Variants in OXR1 observed in about 807,000 individuals in gnomAD.
OXR1 encodes oxidation resistance protein 1.
OXR1 carries 41 observed loss-of-function variants against 104.6 expected under a neutral mutation model. That is an observed-to-expected ratio of 0.39 (90% CI 0.31 to 0.51). The LOEUF (loss-of-function observed/expected upper bound fraction) is 0.51, where lower values mean the gene tolerates loss of function less well. OXR1 is among the 20% of genes least tolerant of loss of function. OXR1 has a pLI of 0.77. For synonymous variants in OXR1, 348 were observed against 348.4 expected, an observed-to-expected ratio of 1.00 and a Z score of 0.01; for missense variants, 955 against 1,031.9, an observed-to-expected ratio of 0.93 and a Z score of 1.02.
At chr8:106,347,788 G>A (rs973365280) in intron 1 of OXR1, among the ~76,000 whole-genome samples, 5 of 151,988 alleles carry the variant, frequency 3.3e-5, no homozygotes, top group Non-Finnish European at 7.4e-5. Context: ...ACAAAAGGGG[G>A]CTCTCTGATT....
chr8:106,338,028 T>C (rs183638996), intron 1 of OXR1, among the ~76,000 whole-genome samples: 1 of 152,326 alleles, frequency 6.6e-6, no homozygotes, highest in Non-Finnish European at 1.5e-5. Flanking sequence ...CAAGTATAAT[T>C]CATGAACTTC....
chr8:106,545,643 A>T (rs1815297134), intron 3 of OXR1, among the ~76,000 whole-genome samples: 1 of 152,230 alleles, frequency 6.6e-6, no homozygotes, highest in Non-Finnish European at 1.5e-5. Flanking sequence ...GTAGAACAGA[A>T]TTGCCTCAAA....
chr8:106,292,295 A>C (rs562586340), intron 1 of OXR1, among the ~76,000 whole-genome samples: 3 of 152,322 alleles, frequency 2.0e-5, no homozygotes, highest in Non-Finnish European at 4.4e-5. Context: ...GAAAGTTCTC[A>C]ACTTAATAAG....
intron 11 of OXR1, among the ~76,000 whole-genome samples, chr8:106,731,848 T>C (rs952574761): frequency 1.3e-5 from 2 of 152,168 alleles, no homozygotes; most frequent in Non-Finnish European, 2.9e-5. Context: ...CTTTGTTCTT[T>C]TTCTTCATTG....
intron 1 of OXR1, among the ~76,000 whole-genome samples, chr8:106,351,462 G>T (rs1815723741): frequency 6.6e-6 from 1 of 152,224 alleles, no homozygotes. Flanking sequence ...TAGCTGAGCA[G>T]AGGGGAAAGG....
chr8:106,438,400 A>G (rs1034087834), intron 2 of OXR1, among the ~76,000 whole-genome samples: 1 of 152,178 alleles, frequency 6.6e-6, no homozygotes, highest in African/African-American at 2.4e-5. Flanking sequence ...AAAAAATGCA[A>G]AATATCTCAA....
At chr8:106,730,991 A>G (rs1833838071) in intron 11 of OXR1, among the ~76,000 whole-genome samples, 1 of 152,188 alleles carries the variant, frequency 6.6e-6, no homozygotes. Flanking sequence ...ATCCACAACA[A>G]ATGAGAATTC....
At chr8:106,705,125 C>G (rs1351642869) in intron 8 of OXR1, among the ~76,000 whole-genome samples, 1 of 152,076 alleles carries the variant, frequency 6.6e-6, no homozygotes, top group Non-Finnish European at 1.5e-5. Flanking sequence ...AAATATATAT[C>G]CTGTCACGTT....
intron 3 of OXR1, among the ~76,000 whole-genome samples, chr8:106,544,491 T>C (rs541955375): frequency 6.6e-6 from 1 of 152,316 alleles, no homozygotes; most frequent in African/African-American, 2.4e-5. Flanking sequence ...ATCTGATTTG[T>C]TGTCTATTGG....
At chr8:106,590,514 C>T (rs924143567) in intron 3 of OXR1, among the ~76,000 whole-genome samples, 7 of 152,210 alleles carry the variant, frequency 4.6e-5, no homozygotes, top group Non-Finnish European at 5.9e-5. Flanking sequence ...TCTCAATCTC[C>T]TGACCTCATG....
At chr8:106,373,152 T>C (rs1343816096) in intron 2 of OXR1, among the ~76,000 whole-genome samples, 2 of 152,218 alleles carry the variant, frequency 1.3e-5, no homozygotes, top group African/African-American at 2.4e-5. Context: ...TATATAGTTA[T>C]ATGTAAGTTC....
intron 3 of OXR1, among the ~76,000 whole-genome samples, chr8:106,606,042 A>G (rs1299180545): frequency 6.6e-6 from 1 of 152,048 alleles, no homozygotes; most frequent in Non-Finnish European, 1.5e-5. Flanking sequence ...TGCAAAAGTT[A>G]GTGGCTTAAA....
chr8:106,375,621 G>C (rs1310016751), intron 2 of OXR1, among the ~76,000 whole-genome samples: 1 of 152,080 alleles, frequency 6.6e-6, no homozygotes, highest in Non-Finnish European at 1.5e-5. Flanking sequence ...AAAGGGATGG[G>C]GTCATGTTAC....
At chr8:106,288,283 A>T (rs1321513607) in intron 1 of OXR1, among the ~76,000 whole-genome samples, 1 of 152,166 alleles carries the variant, frequency 6.6e-6, no homozygotes, top group Non-Finnish European at 1.5e-5. Context: ...TGAACACTGC[A>T]TGTGGAACAT....
intron 1 of OXR1, among the ~76,000 whole-genome samples, chr8:106,341,390 C>CACATATATATAT (rs1815240452): frequency 1.4e-5 from 2 of 145,936 alleles, no homozygotes; most frequent in Admixed American, 1.4e-4. Context: ...AGTCAATCTA[C>CACATATATATAT]ATATATATAT....
chr8:106,417,087 A>C (rs1263566785), intron 2 of OXR1, among the ~76,000 whole-genome samples: 2 of 152,058 alleles, frequency 1.3e-5, no homozygotes, highest in Non-Finnish European at 2.9e-5. Context: ...GTGATTAATA[A>C]ATTTTTTAAT....
chr8:106,353,537 G>A (rs1815827083), intron 1 of OXR1, among the ~76,000 whole-genome samples: 1 of 151,778 alleles, frequency 6.6e-6, no homozygotes, highest in Non-Finnish European at 1.5e-5. Flanking sequence ...TTATTTTTGA[G>A]TCATTCAAGT....
At chr8:106,305,243 A>C (rs1813421495) in intron 1 of OXR1, among the ~76,000 whole-genome samples, 1 of 152,102 alleles carries the variant, frequency 6.6e-6, no homozygotes, top group African/African-American at 2.4e-5. Context: ...TTGGTAGCCA[A>C]ATTTGTGTTA....
In OXR1 at chr8:106,270,267, C is replaced by G. The variant is rs1381597578; in HGVS notation, c.-239C>G. 6.6e-6 allele frequency: 1 copy of G among 151,924 alleles called. No homozygotes were observed. Among genetic ancestry groups the G allele is most frequent in the Non-Finnish European group, 1.5e-5 (1 of 68,008 alleles). 9.4% of individuals were successfully genotyped at this position (151,924 alleles called of 1,614,324 possible). On this transcript the variant is annotated 5_prime_UTR_variant, in exon 1 of 17. Coordinates refer to ENST00000517566, the MANE Select transcript of OXR1 (RefSeq NM_001198533.2). ...CCCATTCACCTCGCGGCCACAGGAGCTCAGCGCCGGCGCCGCGCCGCCCAG... is the reference window on the plus strand; with the variant it reads ...CCCATTCACCTCGCGGCCACAGGAGGTCAGCGCCGGCGCCGCGCCGCCCAG...
Sources: gnomAD v4.1 joint callset for allele counts (sites outside exome capture counted in the v4.1 genomes callset) on GRCh38, gnomAD v4.1.1 for gene constraint, MANE v1.5 for transcripts, NCBI Gene and HGNC (gene_info 2026-07-23, HGNC 2026-07-21) for gene names.